Variants in AFF3 observed in about 807,000 individuals in gnomAD.
AFF3 encodes the protein ALF transcription elongation factor 3.
AFF3 carries 32 observed loss-of-function variants against 129.7 expected under a neutral mutation model. The observed-to-expected ratio is 0.25, with a 90% CI of 0.19 to 0.33. The LOEUF is 0.33. Ranked by LOEUF, AFF3 falls within the 10% of genes least tolerant of loss-of-function variation. The pLI is 1.00. For missense variants in AFF3, 1,373 were observed against 1,592.0 expected (o/e 0.86, Z 2.34); for synonymous variants, 644 against 635.4 (o/e 1.01, Z -0.20).
intron 10 of AFF3, among the ~76,000 whole-genome samples, chr2:99,731,597 G>A (rs1190899855): frequency 6.6e-6 from 1 of 152,056 alleles, no homozygotes; most frequent in Non-Finnish European, 1.5e-5. Flanking sequence ...TAATTATTGA[G>A]TCATCCTCCT....
chr2:99,957,194 T>TGC (rs553753283), intron 7 of AFF3, among the ~76,000 whole-genome samples: 1,858 of 151,518 alleles, frequency 0.012, 30 homozygotes, highest in African/African-American at 0.042. Context: ...TGTGTGTGTG[T>TGC]GCGCGCGCGC....
intron 11 of AFF3, among the ~76,000 whole-genome samples, chr2:99,703,309 C>A (rs1489099359): frequency 6.6e-6 from 1 of 152,182 alleles, no homozygotes; most frequent in East Asian, 1.9e-4. Flanking sequence ...GTTCCTTCTG[C>A]CACGTAAGGT....
At chr2:99,938,017 T>C (rs1174996437) in intron 7 of AFF3, among the ~76,000 whole-genome samples, 1 of 152,168 alleles carries the variant, frequency 6.6e-6, no homozygotes, top group African/African-American at 2.4e-5. Flanking sequence ...GGCTCCATCA[T>C]TCAGAGCTCC....
At chr2:99,568,776 G>T in intron 19 of AFF3, 76 bp downstream of exon 19, 3 of 1,377,680 alleles carry the variant, frequency 2.2e-6, no homozygotes, top group Non-Finnish European at 2.1e-6. Flanking sequence ...AATTACCCCA[G>T]CTATATTGTC....
chr2:100,106,656 T>C, intron 2 of AFF3: 1 of 986,332 alleles, frequency 1.0e-6, no homozygotes, highest in Non-Finnish European at 1.2e-6. Flanking sequence ...CCCGTGCTCC[T>C]GGCTGCAGCT....
rs199693404 is a variant in AFF3 at position 99,554,675 on chromosome 2, G to C, written c.3335+8C>G. 2 of 1,614,044 alleles carry C rather than the reference G, an allele frequency of 1.2e-6. No individual in the cohort carries two copies. The highest frequency in any genetic ancestry group is 1.7e-6 in the Non-Finnish European group (2 of 1,180,030). On this transcript the variant is annotated splice_region_variant and intron_variant, in intron 23 of 24. Transcript: ENST00000672756. ...CTTACGGCATTGACTTTGGAAAAGC[G>C]AACTTACTTTCCACTGGCCCCCCAC...
intron 7 of AFF3, among the ~76,000 whole-genome samples, chr2:99,878,407 C>T (rs56220246): frequency 0.012 from 1,787 of 152,254 alleles, 22 homozygotes; most frequent in Non-Finnish European, 0.019. Flanking sequence ...TAATCATGTA[C>T]TTATTGGGAC....
intron 8 of AFF3, among the ~76,000 whole-genome samples, chr2:99,793,957 A>G (rs1232278494): frequency 6.6e-6 from 1 of 152,224 alleles, no homozygotes; most frequent in Non-Finnish European, 1.5e-5. Flanking sequence ...TACATTTTAC[A>G]TACACATCTT....
Position 99,885,698 on chromosome 2 carries a change from C to T in AFF3, c.874-48174G>A, listed in dbSNP as rs186827376. On this transcript the variant is annotated intron_variant, in intron 7 of 24. Transcript: ENST00000672756. ...TAAGTTTTAGAGGTTGTGAAAGATA[C>T]TGAATCCTTGGGGTTCCATGAACTT... Among the ~76,000 whole-genome samples the T allele has an allele frequency of 2.6e-5, 4 of 152,194 alleles. No homozygotes were observed. The East Asian group carries it at 7.7e-4, about 29-fold the overall frequency.
Position 100,123,027 on chromosome 2 carries a change from C to A in AFF3, c.-145+6197G>T, listed in dbSNP as rs139432826. Among the ~76,000 whole-genome samples, 1,084 of 152,246 alleles carry A rather than the reference C, an allele frequency of 7.1e-3. 13 individuals carry two copies. Among genetic ancestry groups the A allele is most frequent in the African/African-American group, 0.025 (1,045 of 41,548 alleles). On this transcript the variant is annotated intron_variant, in intron 2 of 24. Coordinates refer to ENST00000672756, the MANE Select transcript of AFF3 (RefSeq NM_001386135.1). Reference sequence around the variant, plus strand: ...TTTATGAGTAATTTTCTAATGAAATCTGTATCTGTTGTCAACAGTTGTTCA... The same window carrying A: ...TTTATGAGTAATTTTCTAATGAAATATGTATCTGTTGTCAACAGTTGTTCA...
At chr2:100,026,095 C>G (rs986692310) in intron 4 of AFF3, among the ~76,000 whole-genome samples, 1 of 152,064 alleles carries the variant, frequency 6.6e-6, no homozygotes, top group Non-Finnish European at 1.5e-5. Context: ...AAGGAACAGT[C>G]GGCACAGTAA....
chr2:99,708,594 T>G (rs867265432), intron 11 of AFF3, among the ~76,000 whole-genome samples: 1 of 152,226 alleles, frequency 6.6e-6, no homozygotes, highest in Non-Finnish European at 1.5e-5. Context: ...GGCACTGATA[T>G]AGTTTTCTCT....
At chr2:99,634,857 A>T (rs1394470516) in intron 13 of AFF3, among the ~76,000 whole-genome samples, 1 of 151,864 alleles carries the variant, frequency 6.6e-6, no homozygotes, top group East Asian at 1.9e-4. Flanking sequence ...AGCAGCCCCC[A>T]GCAGAATCCA....
intron 4 of AFF3, among the ~76,000 whole-genome samples, chr2:100,018,064 C>A (rs1276173617): frequency 1.3e-5 from 2 of 150,738 alleles, no homozygotes; most frequent in African/African-American, 2.4e-5. Context: ...TTTAAGAATT[C>A]TTCTAAAACC....
chr2:99,569,009 T>C, intron 18 of AFF3, 94 bp from the exon 19 acceptor site: 1 of 1,225,692 alleles, frequency 8.2e-7, no homozygotes, highest in Non-Finnish European at 1.2e-6. Flanking sequence ...AAGGCACAAT[T>C]TAAAAACTCT....
intron 4 of AFF3, among the ~76,000 whole-genome samples, chr2:100,023,588 C>G (rs545175189): frequency 1.3e-5 from 2 of 152,220 alleles, no homozygotes; most frequent in South Asian, 2.1e-4. Context: ...TCACTGAACG[C>G]ATAGTTTCCA....
At chr2:99,705,171 C>A (rs1255429235) in intron 11 of AFF3, among the ~76,000 whole-genome samples, 1 of 152,116 alleles carries the variant, frequency 6.6e-6, no homozygotes, top group Non-Finnish European at 1.5e-5. Context: ...GGCCCAGGGG[C>A]AACTAAACCA....
At chr2:99,735,095 A>T (rs1193616924) in intron 10 of AFF3, among the ~76,000 whole-genome samples, 1 of 152,230 alleles carries the variant, frequency 6.6e-6, no homozygotes, top group Non-Finnish European at 1.5e-5. Context: ...CATATAAAAC[A>T]TATACATATA....
At chr2:100,111,678 T>A (rs1691515567) in intron 2 of AFF3, among the ~76,000 whole-genome samples, 1 of 152,246 alleles carries the variant, frequency 6.6e-6, no homozygotes. Flanking sequence ...ACCAATAAAC[T>A]AATTATCACT....
Sources: gnomAD v4.1 joint callset for allele counts (sites outside exome capture counted in the v4.1 genomes callset) on GRCh38, gnomAD v4.1.1 for gene constraint, MANE v1.5 for transcripts, NCBI Gene and HGNC (gene_info 2026-07-23, HGNC 2026-07-21) for gene names.